PCDH7: variants seen among roughly 807,000 people sequenced by gnomAD.
The protein encoded by PCDH7 is protocadherin 7, also known as protocadherin-7.
In PCDH7, 17 loss-of-function variants were observed where a neutral mutation model predicts 58.9. That is an observed-to-expected ratio of 0.29 (90% CI 0.20 to 0.43). The LOEUF (loss-of-function observed/expected upper bound fraction) is 0.43. Ranked by LOEUF, PCDH7 falls within the 20% of genes least tolerant of loss-of-function variation. The pLI is 1.00. For synonymous variants in PCDH7, 664 were observed against 616.4 expected (o/e 1.08, Z -1.14); for missense variants, 1,274 against 1,441.0 (o/e 0.88, Z 1.88).
At chr4:30,953,756 T>A (rs1747581738) in intron 3 of PCDH7, among the ~76,000 whole-genome samples, 1 of 152,138 alleles carries the variant, frequency 6.6e-6, no homozygotes, top group Non-Finnish European at 1.5e-5. Flanking sequence ...TTAATACATA[T>A]TTTAGTTTGT....
chr4:30,883,662 C>G (rs1457241898), intron 1 of PCDH7, among the ~76,000 whole-genome samples: 1 of 152,096 alleles, frequency 6.6e-6, no homozygotes, highest in Non-Finnish European at 1.5e-5. Flanking sequence ...CTCTCTTCTC[C>G]TTTTTTAATT....
At chr4:31,077,241 T>C (rs551791582) in intron 3 of PCDH7, among the ~76,000 whole-genome samples, 3 of 151,854 alleles carry the variant, frequency 2.0e-5, no homozygotes, top group East Asian at 3.9e-4. Context: ...AGAAACCCCA[T>C]TTCTACTAAA....
In PCDH7 at chr4:30,798,842, A is replaced by G. The variant is rs1241922598; in HGVS notation, c.70+74246A>G. 2.6e-5 allele frequency among the ~76,000 whole-genome samples: 4 copies of G among 152,232 alleles called. No homozygotes were observed. The South Asian group carries it at 6.2e-4, about 24-fold the overall frequency. ...TAAACTGATTTTTATTTCAGGCTGC[A>G]TTTGTTTTATACTTTGCAGCATATT... On this transcript the variant is annotated intron_variant, in intron 1 of 3. Coordinates refer to the PCDH7 transcript ENST00000509759.
intron 1 of PCDH7, among the ~76,000 whole-genome samples, chr4:30,774,150 T>C (rs1402663948): frequency 6.6e-6 from 1 of 152,186 alleles, no homozygotes; most frequent in African/African-American, 2.4e-5. Flanking sequence ...TTCATTGATT[T>C]CTTCTGAATC....
At chr4:31,096,460 T>C (rs538969335) in intron 3 of PCDH7, among the ~76,000 whole-genome samples, 113 of 152,204 alleles carry the variant, frequency 7.4e-4, no homozygotes, top group African/African-American at 2.5e-3. Context: ...AAATTCAGGG[T>C]AAAAGTAGAG....
At chr4:30,909,130 C>T (rs1741387055) in intron 1 of PCDH7, among the ~76,000 whole-genome samples, 1 of 152,170 alleles carries the variant, frequency 6.6e-6, no homozygotes, top group Non-Finnish European at 1.5e-5. Flanking sequence ...AAATTCAACA[C>T]CCCTTCATGC....
At chr4:31,007,317 A>G (rs781345760) in intron 3 of PCDH7, among the ~76,000 whole-genome samples, 11 of 152,228 alleles carry the variant, frequency 7.2e-5, no homozygotes, top group Non-Finnish European at 1.5e-4. Flanking sequence ...TATGCAATAC[A>G]TACTGTAATC....
chr4:30,725,271 A>T, intron 1 of PCDH7: 1 of 995,468 alleles, frequency 1.0e-6, no homozygotes, highest in African/African-American at 1.7e-5. Flanking sequence ...TGCAATTACC[A>T]TTTGCATTCT....
At chr4:31,109,928 A>G (rs1021030548) in intron 3 of PCDH7, among the ~76,000 whole-genome samples, 3 of 152,192 alleles carry the variant, frequency 2.0e-5, no homozygotes, top group Admixed American at 1.3e-4. Context: ...AGGCCCTCCT[A>G]AATTTTTTAA....
At chr4:31,067,736 A>C (rs538971983) in intron 3 of PCDH7, among the ~76,000 whole-genome samples, 1 of 152,152 alleles carries the variant, frequency 6.6e-6, no homozygotes, top group African/African-American at 2.4e-5. Context: ...CCTTTTCTAA[A>C]AAATTCAGCA....
intron 1 of PCDH7, among the ~76,000 whole-genome samples, chr4:30,835,590 GAGAGACTGTATGGCAA>G (rs1186796311): frequency 0.012 from 1,813 of 152,262 alleles, 26 homozygotes; most frequent in Admixed American, 0.037. Flanking sequence ...GGTCTCATCA[GAGAGACTGTATGGCAA>G]AGACTGGAAG....
intron 3 of PCDH7, among the ~76,000 whole-genome samples, chr4:31,104,854 T>C (rs1715347634): frequency 6.6e-6 from 1 of 152,254 alleles, no homozygotes; most frequent in African/African-American, 2.4e-5. Flanking sequence ...AAACAAGAAG[T>C]ATGCCAACTG....
At chr4:30,791,510 T>C (rs1441752641) in intron 1 of PCDH7, among the ~76,000 whole-genome samples, 1 of 152,030 alleles carries the variant, frequency 6.6e-6, no homozygotes, top group Non-Finnish European at 1.5e-5. Flanking sequence ...ATGACTAGAG[T>C]GTAGTAGTTG....
intron 2 of PCDH7, among the ~76,000 whole-genome samples, chr4:30,931,996 T>C (rs1331139546): frequency 6.6e-6 from 1 of 152,166 alleles, no homozygotes; most frequent in East Asian, 1.9e-4. Context: ...TTTGACCATT[T>C]TACTTACTTA....
chr4:31,095,215 T>G (rs1713804823), intron 3 of PCDH7, among the ~76,000 whole-genome samples: 1 of 152,118 alleles, frequency 6.6e-6, no homozygotes, highest in Admixed American at 6.6e-5. Flanking sequence ...AGGAATTGGT[T>G]CTATGGTAGA....
At chr4:31,145,338 CA>C (rs1163268619), downstream of PCDH7, 5 of 151,888 alleles carry the variant, frequency 3.3e-5, no homozygotes, top group African/African-American at 1.2e-4. Context: ...AATTAGCTGT[CA>C]TAACATGTTT....
intron 3 of PCDH7, among the ~76,000 whole-genome samples, chr4:31,014,736 A>C (rs767355684): frequency 6.6e-6 from 1 of 152,208 alleles, no homozygotes; most frequent in African/African-American, 2.4e-5. Context: ...ACTTTTCTTA[A>C]ATGATATCAC....
chr4:30,909,491 A>G (rs2109403379), intron 1 of PCDH7, among the ~76,000 whole-genome samples: 2 of 152,366 alleles, frequency 1.3e-5, no homozygotes, highest in East Asian at 3.9e-4. Context: ...GTCTCAGGAT[A>G]CAAAATCAAT....
chr4:30,869,837 TA>T (rs1355675976), intron 1 of PCDH7, among the ~76,000 whole-genome samples: 4 of 152,208 alleles, frequency 2.6e-5, no homozygotes, highest in Non-Finnish European at 5.9e-5. Context: ...GTTCTGGTTC[TA>T]GATCCTTCAG....
Sources: allele counts gnomAD v4.1 joint callset (sites outside exome capture counted in the v4.1 genomes callset), GRCh38; gene constraint gnomAD v4.1.1; transcripts MANE v1.5; gene names NCBI Gene and HGNC (gene_info 2026-07-23, HGNC 2026-07-21).